The following CNTN6 variants were observed in gnomAD, a reference collection of about 807,000 sequenced individuals.
CNTN6 encodes the protein contactin 6.
Under a neutral mutation model 122.8 loss-of-function variants are expected in CNTN6, and 137 were observed. The observed-to-expected ratio is 1.12, with a 90% CI of 0.97 to 1.29. The LOEUF is 1.29. CNTN6 is among the 50% of genes most tolerant of loss of function. The pLI is 0.00. For synonymous variants in CNTN6, 570 were observed against 426.0 expected (o/e 1.34, Z -4.16); for missense variants, 1,634 against 1,223.4 (o/e 1.34, Z -5.01).
chr3:1,278,429 A>G lies in CNTN6; in HGVS notation c.375A>G (p.Glu125=), dbSNP rs1692799810. 6.2e-7 allele frequency: 1 copy of G among 1,606,700 alleles called. No homozygotes were observed. The highest frequency in any genetic ancestry group is 8.5e-7 in the Non-Finnish European group (1 of 1,175,104). Residue 125 remains glutamate, a synonymous_variant, in exon 5 of 23, where the codon GAA becomes GAG. Coordinates refer to ENST00000446702, the MANE Select transcript of CNTN6 (RefSeq NM_001289080.2). ...TTTTCCAAGATATTGAAGACTTTGA[A>G]ACTAAAACAAGAAGCACAGTATCTG... ...KLQFAYIEDF[E]TKTRSTVSVR...
At chr3:1,266,051 C>T in intron 4 of CNTN6, among the ~76,000 whole-genome samples, 1 of 151,436 alleles carries the variant, frequency 6.6e-6, no homozygotes, top group Non-Finnish European at 1.5e-5. Flanking sequence ...CTAAGTGCGT[C>T]ACCCATACAA....
chr3:1,168,977 T>G (rs2125284329), intron 2 of CNTN6, among the ~76,000 whole-genome samples: 1 of 152,136 alleles, frequency 6.6e-6, no homozygotes, highest in East Asian at 1.9e-4. Flanking sequence ...GAAGGGTGTT[T>G]AAAAAGGCGT....
chr3:1,369,384 T>G (rs1024166707), intron 12 of CNTN6, among the ~76,000 whole-genome samples: 1 of 74,558 alleles, frequency 1.3e-5, no homozygotes, highest in African/African-American at 8.0e-5. Context: ...GCTGCGGGTT[T>G]TTTTTTTTTT....
intron 2 of CNTN6, among the ~76,000 whole-genome samples, chr3:1,154,448 C>CTTTTTTTTTTTTTTTTTTTTTT (rs771133835): frequency 7.1e-6 from 1 of 140,478 alleles, no homozygotes. Flanking sequence ...TCTTTTCTTT[C>CTTTTTTTTTTTTTTTTTTTTTT]TTTTTTTTTT....
intron 1 of CNTN6, among the ~76,000 whole-genome samples, chr3:1,130,432 A>C (rs1336070387): frequency 6.6e-6 from 1 of 152,092 alleles, no homozygotes. Context: ...CCTGAGAGTT[A>C]ATGCTCCCCA....
chr3:1,266,216 C>G (rs76180124), intron 4 of CNTN6, among the ~76,000 whole-genome samples: 5,439 of 152,156 alleles, frequency 0.036, 321 homozygotes, highest in African/African-American at 0.12. Flanking sequence ...TTTATCTAAA[C>G]CATAATGCAT....
At chr3:1,374,726 A>C (rs1392598343) in intron 16 of CNTN6, among the ~76,000 whole-genome samples, 1 of 152,090 alleles carries the variant, frequency 6.6e-6, no homozygotes, top group Non-Finnish European at 1.5e-5. Flanking sequence ...CACAAAGTTC[A>C]CATTCTTATT....
chr3:1,351,915 C>G (rs1705704870), intron 11 of CNTN6, among the ~76,000 whole-genome samples: 1 of 151,878 alleles, frequency 6.6e-6, no homozygotes, highest in African/African-American at 2.4e-5. Context: ...AAGACACAGA[C>G]TAATTGTGAA....
rs113346448 is a variant in CNTN6, at chr3:1,159,783, G to T, written c.55+11720G>T. ...CTACAATCCCACTTAGAAATTTAGAGTTAATTTATCTGTGTTCAATGTAAT... is the reference window on the plus strand; with the variant it reads ...CTACAATCCCACTTAGAAATTTAGATTTAATTTATCTGTGTTCAATGTAAT... On this transcript the variant is annotated intron_variant, in intron 2 of 22. Coordinates refer to ENST00000446702, the MANE Select transcript of CNTN6 (RefSeq NM_001289080.2). Among the ~76,000 whole-genome samples the T allele has an allele frequency of 2.1e-3, 323 of 151,830 alleles. 2 individuals are homozygous for T. In the Middle Eastern group the frequency reaches 0.024, roughly 11 times the overall value.
At chr3:1,211,545 G>A (rs2094038199) in intron 2 of CNTN6, among the ~76,000 whole-genome samples, 1 of 152,076 alleles carries the variant, frequency 6.6e-6, no homozygotes, top group South Asian at 2.1e-4. Flanking sequence ...ATGTAACCTA[G>A]AGGCAGATCT....
intron 7 of CNTN6, among the ~76,000 whole-genome samples, chr3:1,316,687 C>G (rs1367180354): frequency 6.6e-6 from 1 of 151,842 alleles, no homozygotes; most frequent in African/African-American, 2.4e-5. Context: ...TCTCTCTTTA[C>G]TACATACATA....
chr3:1,277,505 C>T (rs1205059973), intron 4 of CNTN6, among the ~76,000 whole-genome samples: 2 of 151,482 alleles, frequency 1.3e-5, no homozygotes, highest in East Asian at 2.0e-4. Context: ...GAATTACAGG[C>T]GTGTGCCACC....
intron 11 of CNTN6, among the ~76,000 whole-genome samples, chr3:1,332,949 C>G (rs1219414219): frequency 6.6e-6 from 1 of 152,046 alleles, no homozygotes; most frequent in Non-Finnish European, 1.5e-5. Flanking sequence ...TTCAAATTGT[C>G]ATGGCTTTAA....
intron 20 of CNTN6, among the ~76,000 whole-genome samples, chr3:1,387,087 T>G (rs1370884978): frequency 6.6e-6 from 1 of 152,198 alleles, no homozygotes; most frequent in Non-Finnish European, 1.5e-5. Flanking sequence ...GCATTCCATT[T>G]TTTTGCTTTC....
At chr3:1,175,896 A>C (rs2093440143) in intron 2 of CNTN6, among the ~76,000 whole-genome samples, 1 of 152,208 alleles carries the variant, frequency 6.6e-6, no homozygotes, top group South Asian at 2.1e-4. Context: ...AATGGAGAAG[A>C]AGGAATTTGT....
chr3:1,237,179 T>C (rs1357289597), intron 4 of CNTN6, among the ~76,000 whole-genome samples: 1 of 151,874 alleles, frequency 6.6e-6, no homozygotes, highest in African/African-American at 2.4e-5. Flanking sequence ...TTCAGTGAAA[T>C]AGATAGTATA....
chr3:1,172,011 T>C (rs766392457), intron 2 of CNTN6, among the ~76,000 whole-genome samples: 11 of 152,132 alleles, frequency 7.2e-5, no homozygotes, highest in Non-Finnish European at 1.2e-4. Context: ...TCCAAACCCA[T>C]TGAAGCTCTT....
chr3:1,126,274 G>A (rs1014064416), intron 1 of CNTN6, among the ~76,000 whole-genome samples: 1 of 151,752 alleles, frequency 6.6e-6, no homozygotes, highest in African/African-American at 2.4e-5. Context: ...GTATATACAT[G>A]TATTCAAATG....
intron 4 of CNTN6, among the ~76,000 whole-genome samples, chr3:1,252,206 A>C (rs1312981498): frequency 6.6e-6 from 1 of 152,180 alleles, no homozygotes; most frequent in African/African-American, 2.4e-5. Context: ...GCCAACAATC[A>C]CTTTCTCTGT....
Sources: gnomAD v4.1 joint callset for allele counts (sites outside exome capture counted in the v4.1 genomes callset) on GRCh38, gnomAD v4.1.1 for gene constraint, MANE v1.5 for transcripts, NCBI Gene and HGNC (gene_info 2026-07-23, HGNC 2026-07-21) for gene names.